CADPS2: variants seen among roughly 807,000 people sequenced by gnomAD.
CADPS2 encodes calcium-dependent secretion activator 2.
A neutral mutation model predicts 172.5 loss-of-function variants in CADPS2; 93 were observed. The observed-to-expected ratio is 0.54, with a 90% CI of 0.46 to 0.64. CADPS2 has a LOEUF of 0.64. CADPS2 is among the 30% of genes least tolerant of loss of function. The probability of loss-of-function intolerance (pLI) is 0.00; values close to 1 mark genes in which losing one functional copy is unlikely to be tolerated. For synonymous variants in CADPS2, 546 were observed against 555.2 expected (o/e 0.98, Z 0.23); for missense variants, 1,420 against 1,565.9 (o/e 0.91, Z 1.57).
intron 14 of CADPS2, among the ~76,000 whole-genome samples, chr7:122,462,938 A>G (rs901057471): frequency 6.6e-6 from 1 of 152,130 alleles, no homozygotes; most frequent in African/African-American, 2.4e-5. Context: ...ACATAATGAG[A>G]TTTTGTCCCA....
chr7:122,697,576 C>CA (rs1393762934), intron 2 of CADPS2: 9 of 482,036 alleles, frequency 1.9e-5, no homozygotes, highest in Non-Finnish European at 2.5e-5. Context: ...CATACATTGA[C>CA]AAAAAATTAC....
chr7:122,640,523 A>G (rs1323500641), intron 3 of CADPS2, among the ~76,000 whole-genome samples: 1 of 152,040 alleles, frequency 6.6e-6, no homozygotes, highest in Admixed American at 6.6e-5. Flanking sequence ...AAAAAAAAAG[A>G]AGGGAAGGGG....
chr7:122,629,871 C>A (rs963781986), intron 3 of CADPS2, among the ~76,000 whole-genome samples: 1 of 152,042 alleles, frequency 6.6e-6, no homozygotes, highest in Non-Finnish European at 1.5e-5. Flanking sequence ...TAAGGATTGG[C>A]ACCATATTAG....
At chr7:122,345,914 A>T (rs1481680510) in intron 27 of CADPS2, among the ~76,000 whole-genome samples, 2 of 70,234 alleles carry the variant, frequency 2.8e-5, no homozygotes, top group Non-Finnish European at 5.3e-5. Context: ...AGATCCGTAG[A>T]TATCTTTTTT....
At position 122,886,209 on chromosome 7, in the gene CADPS2, G is replaced by T; in HGVS notation, c.129C>A (p.Asp43Glu). 2.0e-6 allele frequency: 3 copies of T among 1,471,846 alleles called. No homozygotes were observed. Among genetic ancestry groups the T allele is most frequent in the African/African-American group, 1.5e-5 (1 of 66,990 alleles). 91.2% of individuals were successfully genotyped at this position (1,471,846 alleles called of 1,614,324 possible). The change falls in exon 1 of 30, where the codon GAC (aspartate) becomes GAA (glutamate). Residue 43 changes from aspartate to glutamate, a missense_variant. Asp to Glu is a conservative substitution (Grantham distance 45). Coordinates refer to ENST00000449022, the MANE Select transcript of CADPS2 (RefSeq NM_017954.11). ...CGCCGCCGCCCGCGCGCCCCGGCGC[G>T]TCCCGCCGCCCTTCCCGAGTCGGGG... ...PPAPTREGRR[D>E]APGRAGGGGA...
At chr7:122,763,930 A>G (rs2093468153) in intron 1 of CADPS2, among the ~76,000 whole-genome samples, 1 of 152,170 alleles carries the variant, frequency 6.6e-6, no homozygotes, top group South Asian at 2.1e-4. Context: ...AATAAATATG[A>G]TTACATATTT....
intron 28 of CADPS2, among the ~76,000 whole-genome samples, chr7:122,332,357 C>T (rs1164369541): frequency 1.3e-5 from 2 of 150,142 alleles, no homozygotes; most frequent in Non-Finnish European, 1.5e-5. Flanking sequence ...TTGGTTCTTC[C>T]ATAGTAGAAC....
At chr7:122,822,256 T>C (rs1803527223) in intron 1 of CADPS2, among the ~76,000 whole-genome samples, 1 of 152,018 alleles carries the variant, frequency 6.6e-6, no homozygotes, top group Admixed American at 6.6e-5. Context: ...TTTTTCTCCT[T>C]CTGTTATTCC....
Position 122,709,552 on chromosome 7 carries a change from A to T in CADPS2, c.453+27403T>A, listed in dbSNP as rs1212781612. ...TACCATTTGACCCAGCCATCCCATT[A>T]CTGGGTATATACCCAAAGGACTATA... On this transcript the variant is annotated intron_variant, in intron 2 of 29. Transcript: ENST00000449022. 4.6e-5 allele frequency among the ~76,000 whole-genome samples: 7 copies of T among 151,616 alleles called. No homozygotes were observed. The South Asian group carries it at 6.3e-4, about 14-fold the overall frequency.
chr7:122,874,818 T>C (rs1191956180), intron 1 of CADPS2, among the ~76,000 whole-genome samples: 1 of 152,178 alleles, frequency 6.6e-6, no homozygotes, highest in Non-Finnish European at 1.5e-5. Flanking sequence ...TTGGGAAAAC[T>C]GGCTAGCCAT....
At chr7:122,429,272 CT>C (rs61203849) in intron 17 of CADPS2, among the ~76,000 whole-genome samples, 3,599 of 149,378 alleles carry the variant, frequency 0.024, 89 homozygotes, top group African/African-American at 0.051. Flanking sequence ...ACACACACAG[CT>C]TTTTTTTAAA....
intron 3 of CADPS2, among the ~76,000 whole-genome samples, chr7:122,658,493 G>A (rs2080097520): frequency 6.6e-6 from 1 of 151,902 alleles, no homozygotes; most frequent in Non-Finnish European, 1.5e-5. Flanking sequence ...CAACCCAAAT[G>A]TCAATGATAG....
intron 8 of CADPS2, among the ~76,000 whole-genome samples, chr7:122,521,903 C>CG (rs2060833606): frequency 3.9e-5 from 6 of 152,162 alleles, no homozygotes; most frequent in Non-Finnish European, 7.4e-5. Flanking sequence ...AGCCTCAGCT[C>CG]ATATCAGCAC....
At chr7:122,689,526 G>C (rs1187664700) in intron 2 of CADPS2, among the ~76,000 whole-genome samples, 1 of 152,182 alleles carries the variant, frequency 6.6e-6, no homozygotes, top group Admixed American at 6.5e-5. Flanking sequence ...CCACAAGGGG[G>C]CCCACCCCAC....
intron 1 of CADPS2, among the ~76,000 whole-genome samples, chr7:122,847,301 GGT>G (rs1426263254): frequency 6.6e-6 from 1 of 152,074 alleles, no homozygotes; most frequent in Non-Finnish European, 1.5e-5. Context: ...TGGCCAGGCT[GGT>G]CTAGAACTCC....
intron 1 of CADPS2, among the ~76,000 whole-genome samples, chr7:122,833,486 T>A (rs909279600): frequency 1.3e-4 from 20 of 152,192 alleles, no homozygotes; most frequent in African/African-American, 4.1e-4. Context: ...GCCTCCCAAG[T>A]AGCTTGGATT....
At chr7:122,822,708 C>T (rs1402476479) in intron 1 of CADPS2, among the ~76,000 whole-genome samples, 8 of 151,708 alleles carry the variant, frequency 5.3e-5, no homozygotes, top group African/African-American at 1.2e-4. Flanking sequence ...TGTAAATGGC[C>T]GATCCTTGCC....
At chr7:122,784,914 T>G (rs1402209234) in intron 1 of CADPS2, among the ~76,000 whole-genome samples, 1 of 152,208 alleles carries the variant, frequency 6.6e-6, no homozygotes, top group Non-Finnish European at 1.5e-5. Flanking sequence ...TATTTCCTAT[T>G]TATGTTCCTT....
intron 2 of CADPS2, among the ~76,000 whole-genome samples, chr7:122,701,338 G>C (rs940155173): frequency 6.6e-6 from 1 of 152,096 alleles, no homozygotes; most frequent in Non-Finnish European, 1.5e-5. Context: ...ACTATCGCAA[G>C]GACAAAAAAC....
Sources: allele counts gnomAD v4.1 joint callset (sites outside exome capture counted in the v4.1 genomes callset), GRCh38; gene constraint gnomAD v4.1.1; transcripts MANE v1.5; gene names NCBI Gene and HGNC (gene_info 2026-07-23, HGNC 2026-07-21).